Variants in XDH observed in about 807,000 individuals in gnomAD.
XDH encodes the protein xanthine dehydrogenase.
A neutral mutation model predicts 156.1 loss-of-function variants in XDH; 138 were observed. The observed-to-expected ratio is 0.88, with a 90% CI of 0.77 to 1.02. The LOEUF is 1.02. Among genes scored for constraint, XDH ranks in the 50% least tolerant of loss-of-function variants. The probability of loss-of-function intolerance (pLI) is 0.00; values close to 1 mark genes in which losing one functional copy is unlikely to be tolerated. For missense variants in XDH, 1,849 were observed against 1,684.9 expected (o/e 1.10, Z -1.71); for synonymous variants, 669 against 625.7 (o/e 1.07, Z -1.03).
intron 1 of XDH, among the ~76,000 whole-genome samples, chr2:31,406,860 T>C (rs1687203301): frequency 6.6e-6 from 1 of 152,216 alleles, no homozygotes; most frequent in Admixed American, 6.5e-5. Flanking sequence ...ATGTGATGCG[T>C]ATTAGTCAAC....
At chr2:31,390,426 G>C (rs988157912) in intron 6 of XDH, among the ~76,000 whole-genome samples, 3 of 152,208 alleles carry the variant, frequency 2.0e-5, no homozygotes, top group Non-Finnish European at 2.9e-5. Context: ...AGGACATCTT[G>C]GTTGCATCTA....
intron 16 of XDH, 96 bp from the exon 17 acceptor site, chr2:31,372,493 AG>A: frequency 3.9e-6 from 6 of 1,531,102 alleles, no homozygotes; most frequent in Non-Finnish European, 5.4e-6. Flanking sequence ...TACATGGCAA[AG>A]GACACCAAGG....
chr2:31,406,260 TTCTC>T (rs372428209), intron 1 of XDH, among the ~76,000 whole-genome samples: 1 of 151,716 alleles, frequency 6.6e-6, no homozygotes, highest in South Asian at 2.1e-4. Flanking sequence ...CATCACCCCC[TTCTC>T]TCTCTCTCTT....
At chr2:31,337,342 C>T (rs1684993309) in intron 35 of XDH, among the ~76,000 whole-genome samples, 2 of 152,148 alleles carry the variant, frequency 1.3e-5, no homozygotes, top group Admixed American at 6.5e-5. Context: ...GAGTTTCATC[C>T]ATCATCCTTA....
intron 13 of XDH, 88 bp from the exon 14 acceptor site, chr2:31,377,325 G>T: frequency 6.8e-7 from 1 of 1,460,138 alleles, no homozygotes; most frequent in Non-Finnish European, 9.6e-7. Flanking sequence ...TATGAGGTGA[G>T]GTGAGGGGAT....
chr2:31,381,577 G>A, intron 12 of XDH, 56 bp downstream of exon 12: 2 of 1,564,988 alleles, frequency 1.3e-6, no homozygotes, highest in African/African-American at 1.4e-5. Flanking sequence ...GACCTATCTG[G>A]TGAGACTTTT....
chr2:31,375,468 A>G lies in XDH; in HGVS notation c.1514T>C (p.Val505Ala), dbSNP rs1558694556. 1 of 1,614,202 alleles carries G rather than the reference A, an allele frequency of 6.2e-7. No homozygotes were observed. The highest frequency in any genetic ancestry group is 8.5e-7 in the Non-Finnish European group (1 of 1,180,048). Residue 505 changes from valine to alanine, a missense_variant, in exon 15 of 36, where the codon GTG (valine) becomes GCG (alanine). Transcript: ENST00000379416. ...HLPPDAPGGM[V>A]DFRCTLTLSF... The stretch of plus-strand genomic sequence containing the variant: ...GAGGGTGAGGGTGCACCGGAAGTCC[A>G]CCATGCCACCAGGGGCATCGGGAGG...
chr2:31,373,848 T>C (rs776441727), intron 16 of XDH, 25 bp downstream of exon 16: 4 of 1,612,628 alleles, frequency 2.5e-6, no homozygotes, highest in South Asian at 1.1e-5. Context: ...TCCCCTGATA[T>C]TAGCCATACA....
intron 23 of XDH, 48 bp from the exon 24 acceptor site, chr2:31,364,292 C>T: frequency 3.2e-6 from 5 of 1,582,770 alleles, no homozygotes; most frequent in Non-Finnish European, 2.6e-6. Context: ...CCCGTTTCCC[C>T]CACCTCTCTG....
intron 24 of XDH, among the ~76,000 whole-genome samples, chr2:31,356,083 AT>A (rs1685615054): frequency 6.6e-6 from 1 of 152,178 alleles, no homozygotes. Context: ...AGCAATACTA[AT>A]TGTGTCTGCC....
At chr2:31,391,726 C>A (rs1686768892) in intron 6 of XDH, among the ~76,000 whole-genome samples, 1 of 152,126 alleles carries the variant, frequency 6.6e-6, no homozygotes, top group African/African-American at 2.4e-5. Context: ...TAGATTCATA[C>A]CTAAGTATTA....
intron 13 of XDH, among the ~76,000 whole-genome samples, chr2:31,378,102 G>GAAAGAAAGAAAA (rs1686308106): frequency 1.7e-5 from 1 of 60,318 alleles, no homozygotes; most frequent in Non-Finnish European, 3.1e-5. Context: ...AAGAAAGAAA[G>GAAAGAAAGAAAA]AAAGAAAGGA....
At chr2:31,341,090 C>A (rs1304072284) in intron 33 of XDH, among the ~76,000 whole-genome samples, 1 of 152,172 alleles carries the variant, frequency 6.6e-6, no homozygotes, top group Non-Finnish European at 1.5e-5. Context: ...CATTTCTCAT[C>A]TTGTTTTTGA....
chr2:31,337,705 C>T lies in XDH; in HGVS notation c.3887G>A (p.Arg1296Gln), dbSNP rs139691722. The T allele has an allele frequency of 8.5e-5, 137 of 1,614,044 alleles. 1 individual carries two copies. The African/African-American group carries it at 1.5e-3, about 17-fold the overall frequency. ...CTCCGGGGTGGCAGGGCTGTCTAGC[C>T]GGAAGAGTTCCTTCACGTTATTACC... ...HTGNNVKELF[R>Q]LDSPATPEKI... is the part of the protein sequence containing the mutation. Residue 1296 changes from arginine (R) to glutamine (Q), a missense_variant, in exon 35 of 36, where the codon CGG (arginine) becomes CAG (glutamine). By Grantham distance (43) the Arg-to-Gln change is conservative (BLOSUM62 1). Transcript: ENST00000379416.
At position 31,373,912 on chromosome 2, in the gene XDH, C is replaced by A. The variant is rs776000927; in HGVS notation, c.1647G>T (p.Leu549=). Residue 549 remains leucine (L), a synonymous_variant, in exon 16 of 36, where the codon CTG becomes CTT. Coordinates refer to ENST00000379416, the MANE Select transcript of XDH (RefSeq NM_000379.4). ...CATCGGCTGGGGGGTCTTTCTGAAA[C>A]AGTAAAGTTGCACTGGCGAAAGTGG... The part of the protein sequence containing the change: ...LDPTFASATL[L]FQKDPPADVQ... The A allele has an allele frequency of 3.5e-5, 56 of 1,613,858 alleles. No homozygotes were observed. The Admixed American group carries it at 9.3e-4, about 27-fold the overall frequency.
Position 31,398,651 on chromosome 2 carries a change from C to T in XDH, c.355G>A (p.Gly119Ser), listed in dbSNP as rs747995245. The change falls in exon 5 of 36, where the codon GGC becomes AGC. Residue 119 changes from glycine to serine, a missense_variant. Transcript: ENST00000379416. ...HGSQCGFCTP[G>S]IVMSMYTLLR... is the part of the protein sequence containing the mutation. ...AGTGTGTACATACTCATGACGATGC[C>T]AGGGGTGCAGAACCCGCACTGGGAG... The T allele has an allele frequency of 6.2e-7, 1 of 1,614,106 alleles. No homozygotes were observed.
In XDH at chr2:31,351,964, C is replaced by G. The variant is rs572101004; in HGVS notation, c.2632-1741G>C. ...GTTTCTAAATTTCATAACATTATAACCTGGCATAGGTCTATTTTCTTTCAT... is the reference window on the plus strand; with the variant it reads ...GTTTCTAAATTTCATAACATTATAAGCTGGCATAGGTCTATTTTCTTTCAT... On this transcript the variant is annotated intron_variant, in intron 24 of 35. Coordinates refer to ENST00000379416, the MANE Select transcript of XDH (RefSeq NM_000379.4). Among the ~76,000 whole-genome samples, 6 of 152,264 alleles carry G rather than the reference C, an allele frequency of 3.9e-5. No homozygotes were observed. The East Asian group carries it at 7.7e-4, about 20-fold the overall frequency.
chr2:31,358,640 G>A (rs1685689035), intron 24 of XDH, among the ~76,000 whole-genome samples: 2 of 152,026 alleles, frequency 1.3e-5, no homozygotes, highest in African/African-American at 2.4e-5. Context: ...ATATTAACAA[G>A]CTAAAGAAGA....
intron 2 of XDH, among the ~76,000 whole-genome samples, chr2:31,403,443 C>G (rs1362155162): frequency 6.6e-6 from 1 of 152,142 alleles, no homozygotes; most frequent in Non-Finnish European, 1.5e-5. Context: ...AGTCCTAGAG[C>G]CTTCTCTTGG....
Sources: allele counts gnomAD v4.1 joint callset (sites outside exome capture counted in the v4.1 genomes callset), GRCh38; gene constraint gnomAD v4.1.1; transcripts MANE v1.5; gene names NCBI Gene and HGNC (gene_info 2026-07-23, HGNC 2026-07-21).